ADK: variants seen among roughly 807,000 people sequenced by gnomAD.
ADK encodes the protein adenosine kinase.
ADK carries 24 observed loss-of-function variants against 44.7 expected under a neutral mutation model. That is an observed-to-expected ratio of 0.54 (90% CI 0.39 to 0.76). The LOEUF (loss-of-function observed/expected upper bound fraction) is 0.76, where lower values mean the gene tolerates loss of function less well. Among genes scored for constraint, ADK ranks in the 30% least tolerant of loss-of-function variants. The pLI, the probability that ADK is intolerant of heterozygous loss-of-function variation, is 0.00. For synonymous variants in ADK, 128 were observed against 142.6 expected (o/e 0.90, Z 0.73); for missense variants, 321 against 425.1 (o/e 0.76, Z 2.15).
At chr10:74,360,988 A>G (rs1842317652) in intron 4 of ADK, among the ~76,000 whole-genome samples, 1 of 151,362 alleles carries the variant, frequency 6.6e-6, no homozygotes. Flanking sequence ...GCTCACTGCA[A>G]CCTCCAACTC....
chr10:74,572,303 C>A (rs1850998507), intron 7 of ADK, among the ~76,000 whole-genome samples: 1 of 152,316 alleles, frequency 6.6e-6, no homozygotes, highest in Admixed American at 6.5e-5. Context: ...GTTGAAAATT[C>A]TTTTCTTTAA....
At chr10:74,686,417 A>G (rs561982756) in intron 10 of ADK, among the ~76,000 whole-genome samples, 7 of 152,266 alleles carry the variant, frequency 4.6e-5, no homozygotes, top group African/African-American at 1.4e-4. Context: ...CTCCTCTCTC[A>G]TTAATGGGAT....
chr10:74,381,435 T>C (rs1467274094), intron 4 of ADK, among the ~76,000 whole-genome samples: 2 of 152,234 alleles, frequency 1.3e-5, no homozygotes, highest in African/African-American at 4.8e-5. Flanking sequence ...GGAAAGCTGT[T>C]AAGCTTTAAG....
At chr10:74,689,556 T>TA (rs1855911155) in intron 10 of ADK, among the ~76,000 whole-genome samples, 1 of 152,208 alleles carries the variant, frequency 6.6e-6, no homozygotes, top group Admixed American at 6.5e-5. Flanking sequence ...CTCTCAAACT[T>TA]ACAAATTTGG....
chr10:74,673,397 C>T (rs11001107), intron 10 of ADK, among the ~76,000 whole-genome samples: 65,340 of 152,072 alleles, frequency 0.43, 16,114 homozygotes, highest in Middle Eastern at 0.59. Flanking sequence ...AGTGTGTGGG[C>T]GCAGGAACTA....
chr10:74,552,488 G>T (rs191606572), intron 7 of ADK, among the ~76,000 whole-genome samples: 1 of 152,108 alleles, frequency 6.6e-6, no homozygotes, highest in Admixed American at 6.5e-5. Flanking sequence ...GTATCTTTTG[G>T]GGGTGATGTA....
At chr10:74,606,060 T>C (rs1465575900) in intron 9 of ADK, among the ~76,000 whole-genome samples, 1 of 152,196 alleles carries the variant, frequency 6.6e-6, no homozygotes, top group Non-Finnish European at 1.5e-5. Flanking sequence ...CTGATGGTAG[T>C]TTATATTTCT....
At position 74,394,192 on chromosome 10, in the gene ADK, A is replaced by G. The variant is rs538656663; in HGVS notation, c.325A>G (p.Ile109Val). ...KAATFFGCIG[I>V]DKFGEILKRK... ...AGCAACATTTTTTGGATGCATTGGG[A>G]TAGATAAATTTGGGGAGATCCTGAA... Residue 109 changes from isoleucine (I) to valine (V), a missense_variant, in exon 5 of 11, where the codon ATA (isoleucine) becomes GTA (valine). Coordinates refer to ENST00000539909, the MANE Select transcript of ADK (RefSeq NM_006721.4). 236 of 1,614,046 alleles carry G rather than the reference A, an allele frequency of 1.5e-4. 3 individuals are homozygous for G. The South Asian group carries it at 2.4e-3, about 17-fold the overall frequency.
At chr10:74,606,869 C>A (rs999703899) in intron 9 of ADK, among the ~76,000 whole-genome samples, 5 of 152,090 alleles carry the variant, frequency 3.3e-5, no homozygotes, top group Non-Finnish European at 5.9e-5. Flanking sequence ...GAGTCTAGGT[C>A]TCTTTGTAGG....
At chr10:74,485,462 A>AAAT (rs371942720) in intron 6 of ADK, among the ~76,000 whole-genome samples, 1 of 143,966 alleles carries the variant, frequency 6.9e-6, no homozygotes, top group African/African-American at 2.6e-5. Flanking sequence ...ACCCTGTCTC[A>AAAT]AAATAAATAA....
intron 4 of ADK, among the ~76,000 whole-genome samples, chr10:74,342,861 G>C (rs1192827869): frequency 6.7e-6 from 1 of 149,212 alleles, no homozygotes; most frequent in South Asian, 2.1e-4. Context: ...AACTTACTTA[G>C]CTCTAATATT....
intron 6 of ADK, among the ~76,000 whole-genome samples, chr10:74,450,033 C>T (rs751663343): frequency 1.3e-5 from 2 of 152,126 alleles, no homozygotes; most frequent in Non-Finnish European, 2.9e-5. Flanking sequence ...GGGCCAGGCA[C>T]ATTGTCTCAC....
intron 3 of ADK, among the ~76,000 whole-genome samples, chr10:74,229,950 G>A (rs555703608): frequency 1.3e-5 from 2 of 152,080 alleles, no homozygotes; most frequent in South Asian, 4.1e-4. Context: ...GAGGTGGGAG[G>A]ATTGCTTGAG....
At chr10:74,353,920 A>G (rs1173800637) in intron 4 of ADK, among the ~76,000 whole-genome samples, 1 of 152,230 alleles carries the variant, frequency 6.6e-6, no homozygotes, top group Non-Finnish European at 1.5e-5. Context: ...TTCTTTGAGA[A>G]TTTAAATCAT....
rs188301855 is a variant in ADK at position 74,456,937 on chromosome 10, A to G, written c.555+58358A>G. On this transcript the variant is annotated intron_variant, in intron 6 of 10. Transcript: ENST00000539909. ...TGAAAAGATCTAGAGAAGCAAGAGC[A>G]AACAAATTCAAAAGCTAGCAGAAGA... Among the ~76,000 whole-genome samples, 330 of 152,280 alleles carry G rather than the reference A, an allele frequency of 2.2e-3. 1 individual carries two copies. The highest frequency in any genetic ancestry group is 7.2e-3 in the African/African-American group (301 of 41,560).
intron 6 of ADK, among the ~76,000 whole-genome samples, chr10:74,421,705 T>C (rs969903607): frequency 6.6e-6 from 1 of 152,072 alleles, no homozygotes. Flanking sequence ...AAATACAACA[T>C]AAGCATGGAA....
intron 8 of ADK, among the ~76,000 whole-genome samples, chr10:74,597,006 C>G (rs923260692): frequency 6.6e-6 from 1 of 152,188 alleles, no homozygotes; most frequent in African/African-American, 2.4e-5. Flanking sequence ...TCAACTCATA[C>G]TTCTTACTCC....
intron 9 of ADK, among the ~76,000 whole-genome samples, chr10:74,620,371 T>G (rs563683989): frequency 1.2e-4 from 19 of 152,328 alleles, no homozygotes; most frequent in African/African-American, 4.3e-4. Flanking sequence ...ACATAGTGTT[T>G]AACTTTGTGT....
At chr10:74,440,679 T>C (rs1447277568) in intron 6 of ADK, among the ~76,000 whole-genome samples, 1 of 152,144 alleles carries the variant, frequency 6.6e-6, no homozygotes, top group African/African-American at 2.4e-5. Context: ...AAAGGCACAC[T>C]GAGAACTAAA....
Sources: allele counts gnomAD v4.1 joint callset (sites outside exome capture counted in the v4.1 genomes callset), GRCh38; gene constraint gnomAD v4.1.1; transcripts MANE v1.5; gene names NCBI Gene and HGNC (gene_info 2026-07-23, HGNC 2026-07-21).